SMURF2: variants seen among roughly 807,000 people sequenced by gnomAD.
SMURF2 encodes the protein SMAD specific E3 ubiquitin protein ligase 2, also known as E3 ubiquitin-protein ligase SMURF2.
In SMURF2, 48 loss-of-function variants were observed where a neutral mutation model predicts 109.6. The ratio of observed to expected loss-of-function variants is 0.44; its 90% CI spans 0.35 to 0.56. The LOEUF is 0.56. Ranked by LOEUF, SMURF2 falls within the 20% of genes least tolerant of loss-of-function variation. The pLI is 0.01. For missense variants in SMURF2, 575 were observed against 909.0 expected (o/e 0.63, Z 4.72); for synonymous variants, 288 against 317.1 (o/e 0.91, Z 0.97).
At chr17:64,585,143 T>C (rs1432823992) in intron 6 of SMURF2, among the ~76,000 whole-genome samples, 1 of 152,198 alleles carries the variant, frequency 6.6e-6, no homozygotes, top group Non-Finnish European at 1.5e-5. Context: ...TACATGTAAG[T>C]TATATCTCAT....
chr17:64,601,873 T>C lies in SMURF2; in HGVS notation c.92-3383A>G, dbSNP rs1475788329. On this transcript the variant is annotated intron_variant, in intron 2 of 18. Transcript: ENST00000262435. ...GTGTATATGTGTGTGTGTATATATATGTTTATATTATATAATTATATATGT... is the reference window on the plus strand; with the variant it reads ...GTGTATATGTGTGTGTGTATATATACGTTTATATTATATAATTATATATGT... Among the ~76,000 whole-genome samples the C allele has an allele frequency of 2.0e-5, 3 of 148,588 alleles. No homozygotes were observed. In the East Asian group the frequency reaches 5.8e-4, roughly 29 times the overall value.
At chr17:64,636,148 CTTT>C (rs1395203482) in intron 1 of SMURF2, among the ~76,000 whole-genome samples, 1 of 151,946 alleles carries the variant, frequency 6.6e-6, no homozygotes, top group East Asian at 1.9e-4. Context: ...ACCCTTTGCC[CTTT>C]TTTTTGAAAT....
At chr17:64,625,054 G>A (rs576776908) in intron 1 of SMURF2, among the ~76,000 whole-genome samples, 5 of 152,242 alleles carry the variant, frequency 3.3e-5, no homozygotes, top group African/African-American at 1.2e-4. Flanking sequence ...CCTCTACAGA[G>A]AAGGAAGCAT....
chr17:64,603,203 C>T (rs557858255), intron 2 of SMURF2, among the ~76,000 whole-genome samples: 6 of 151,534 alleles, frequency 4.0e-5, no homozygotes, highest in South Asian at 4.2e-4. Flanking sequence ...CACCTTATTA[C>T]CTTACACAGA....
Position 64,662,213 on chromosome 17 carries a change from C to A in SMURF2, c.-333G>T. On this transcript the variant is annotated 5_prime_UTR_variant, in exon 1 of 19. Transcript: ENST00000262435. Reference sequence around the variant, plus strand: ...CTCTCGTCTCGGCGAGGCCCAGTAGCCGACGGGGCTGGTCGGCTGAAGCGG... The same window carrying A: ...CTCTCGTCTCGGCGAGGCCCAGTAGACGACGGGGCTGGTCGGCTGAAGCGG... 1.9e-6 allele frequency: 2 copies of A among 1,036,210 alleles called. No homozygotes were observed. The highest frequency in any genetic ancestry group is 2.3e-6 in the Non-Finnish European group (2 of 863,636). 64.2% of individuals were successfully genotyped at this position (1,036,210 alleles called of 1,614,324 possible). A position where few individuals can be genotyped will look rare whatever the true frequency, so the allele number is the denominator to read the frequency against.
rs184771462 is a variant in SMURF2, at chr17:64,553,140, C to T, written c.1749-1436G>A. Reference sequence around the variant, plus strand: ...CCTCTTTCTCCTTCCTATTTCCAGTCGCATCATCTCCACTCCCTCATCCTA... The same window carrying T: ...CCTCTTTCTCCTTCCTATTTCCAGTTGCATCATCTCCACTCCCTCATCCTA... On this transcript the variant is annotated intron_variant, in intron 15 of 18. Transcript: ENST00000262435. 3.1e-3 allele frequency among the ~76,000 whole-genome samples: 468 copies of T among 152,174 alleles called. 1 individual carries two copies. Among genetic ancestry groups the T allele is most frequent in the African/African-American group, 0.011 (449 of 41,510 alleles).
chr17:64,660,493 T>A (rs1970761415), intron 1 of SMURF2, among the ~76,000 whole-genome samples: 1 of 152,198 alleles, frequency 6.6e-6, no homozygotes, highest in African/African-American at 2.4e-5. Flanking sequence ...AAAGGAAAAC[T>A]GCCATGAAAG....
intron 5 of SMURF2, among the ~76,000 whole-genome samples, chr17:64,587,736 C>T (rs1454138938): frequency 2.0e-5 from 3 of 152,162 alleles, no homozygotes; most frequent in Non-Finnish European, 4.4e-5. Flanking sequence ...TGAACACCTA[C>T]TTGGCAAATG....
chr17:64,648,612 A>G (rs1970592834), intron 1 of SMURF2, among the ~76,000 whole-genome samples: 1 of 152,170 alleles, frequency 6.6e-6, no homozygotes, highest in Admixed American at 6.6e-5. Flanking sequence ...TTTCTACAAA[A>G]AATTTAAAAA....
intron 3 of SMURF2, among the ~76,000 whole-genome samples, chr17:64,595,647 A>C (rs1969805909): frequency 6.6e-6 from 1 of 152,242 alleles, no homozygotes. Context: ...TTGTATACTT[A>C]GCCAATTAAA....
chr17:64,573,038 A>G (rs1387112913), intron 9 of SMURF2: 3 of 151,124 alleles, frequency 2.0e-5, no homozygotes, highest in African/African-American at 7.3e-5. Context: ...TAAATACCAA[A>G]GAAACGACAT....
At chr17:64,601,075 C>G (rs1230933155) in intron 2 of SMURF2, among the ~76,000 whole-genome samples, 1 of 151,940 alleles carries the variant, frequency 6.6e-6, no homozygotes, top group Non-Finnish European at 1.5e-5. Flanking sequence ...ATAGTAAGAC[C>G]ACCCCCCATC....
chr17:64,565,221 T>C lies in SMURF2; in HGVS notation c.1017-2255A>G, dbSNP rs1434003317. 3.9e-5 allele frequency among the ~76,000 whole-genome samples: 6 copies of C among 152,120 alleles called. No homozygotes were observed. In the East Asian group the frequency reaches 7.7e-4, roughly 20 times the overall value. On this transcript the variant is annotated intron_variant, in intron 10 of 18. Coordinates refer to ENST00000262435, the MANE Select transcript of SMURF2 (RefSeq NM_022739.4). ...CCTTCTGGGATGTGGGCAGCTAGCC[T>C]GGAACTATTGTTCCTGATGCACTCA...
chr17:64,584,937 A>G (rs1484857464), intron 6 of SMURF2, among the ~76,000 whole-genome samples: 2 of 152,214 alleles, frequency 1.3e-5, no homozygotes, highest in Admixed American at 1.3e-4. Context: ...TTTCAAAAAT[A>G]CCATAATCTA....
chr17:64,553,289 G>A (rs1271704096), intron 15 of SMURF2, among the ~76,000 whole-genome samples: 2 of 151,848 alleles, frequency 1.3e-5, no homozygotes, highest in African/African-American at 2.4e-5. Flanking sequence ...AGCAGATCAC[G>A]AGGTCAGGAG....
chr17:64,584,361 C>CTTTTTTTTTTTTTTTTTTTTTTTTTTTT (rs372682588), intron 6 of SMURF2, among the ~76,000 whole-genome samples: 1 of 112,754 alleles, frequency 8.9e-6, no homozygotes, highest in African/African-American at 3.7e-5. Flanking sequence ...CTTTTTTTTT[C>CTTTTTTTTTTTTTTTTTTTTTTTTTTTT]TTTTTTTTTT....
At chr17:64,587,443 A>G (rs1310419707) in intron 5 of SMURF2, among the ~76,000 whole-genome samples, 2 of 152,182 alleles carry the variant, frequency 1.3e-5, no homozygotes, top group African/African-American at 4.8e-5. Flanking sequence ...ATAATGAAAA[A>G]GTTACGTTAA....
chr17:64,659,913 T>C (rs1256158153), intron 1 of SMURF2, among the ~76,000 whole-genome samples: 1 of 152,218 alleles, frequency 6.6e-6, no homozygotes, highest in African/African-American at 2.4e-5. Context: ...CAAATAGTTG[T>C]AAGAAACTCA....
intron 9 of SMURF2, among the ~76,000 whole-genome samples, chr17:64,575,082 C>T (rs1336437790): frequency 2.0e-5 from 3 of 149,558 alleles, no homozygotes; most frequent in Non-Finnish European, 4.4e-5. Flanking sequence ...AAAAGTTAGG[C>T]CCTTGGATTT....
Sources: gnomAD v4.1 joint callset for allele counts (sites outside exome capture counted in the v4.1 genomes callset) on GRCh38, gnomAD v4.1.1 for gene constraint, MANE v1.5 for transcripts, NCBI Gene and HGNC (gene_info 2026-07-23, HGNC 2026-07-21) for gene names.